CSMD3: variants seen among roughly 807,000 people sequenced by gnomAD.
CSMD3 encodes CUB and sushi domain-containing protein 3.
CSMD3 carries 177 observed loss-of-function variants against 435.2 expected under a neutral mutation model. The ratio of observed to expected loss-of-function variants is 0.41; its 90% confidence interval spans 0.36 to 0.46. The LOEUF (loss-of-function observed/expected upper bound fraction) is 0.46. Ranked by LOEUF, CSMD3 falls within the 20% of genes least tolerant of loss-of-function variation. CSMD3 has a pLI of 0.34. For missense variants in CSMD3, 4,265 were observed against 4,504.6 expected (o/e 0.95, Z 1.52); for synonymous variants, 1,656 against 1,520.5 (o/e 1.09, Z -2.07).
intron 25 of CSMD3, among the ~76,000 whole-genome samples, chr8:112,553,285 C>G (rs1386501601): frequency 6.6e-6 from 1 of 151,906 alleles, no homozygotes; most frequent in East Asian, 1.9e-4. Flanking sequence ...TTAATGTGGT[C>G]TCTAATTTTT....
chr8:112,738,090 A>G (rs984185431), intron 13 of CSMD3, among the ~76,000 whole-genome samples: 12 of 151,808 alleles, frequency 7.9e-5, no homozygotes, highest in African/African-American at 2.7e-4. Flanking sequence ...GTTGGTTTAT[A>G]GATTATGGTG....
At chr8:112,506,002 G>A (rs1211647844) in intron 29 of CSMD3, among the ~76,000 whole-genome samples, 1 of 151,940 alleles carries the variant, frequency 6.6e-6, no homozygotes. Flanking sequence ...TCTAATGTCC[G>A]TATTGATGTT....
rs572696401 is a variant in CSMD3, at chr8:113,173,251, G to C, written c.709+471C>G. Among the ~76,000 whole-genome samples the C allele has an allele frequency of 3.3e-5, 5 of 152,202 alleles. No homozygotes were observed. In the South Asian group the frequency reaches 1.0e-3, roughly 32 times the overall value. On this transcript the variant is annotated intron_variant, in intron 4 of 70. Coordinates refer to ENST00000297405, the MANE Select transcript of CSMD3 (RefSeq NM_198123.2). Reference sequence around the variant, plus strand: ...CACAAGCAATGTGAAAGAGATACTAGTCAATACTAGAATTTAGTATTTTTC... The same window carrying C: ...CACAAGCAATGTGAAAGAGATACTACTCAATACTAGAATTTAGTATTTTTC...
At chr8:113,048,618 A>G (rs1330124557) in intron 5 of CSMD3, among the ~76,000 whole-genome samples, 1 of 151,076 alleles carries the variant, frequency 6.6e-6, no homozygotes, top group Non-Finnish European at 1.5e-5. Context: ...AAACTTTTAT[A>G]TAATATTTTA....
At chr8:112,663,000 G>A (rs1288313392) in intron 17 of CSMD3, among the ~76,000 whole-genome samples, 1 of 152,094 alleles carries the variant, frequency 6.6e-6, no homozygotes, top group Non-Finnish European at 1.5e-5. Context: ...AGTTAGAATG[G>A]CGATCATTAA....
chr8:113,303,342 T>C (rs2093789591), intron 2 of CSMD3, among the ~76,000 whole-genome samples: 2 of 149,272 alleles, frequency 1.3e-5, no homozygotes, highest in Non-Finnish European at 3.0e-5. Context: ...CTACCCAAGG[T>C]AATTTACAGA....
At chr8:113,237,606 T>G (rs546298792) in intron 3 of CSMD3, among the ~76,000 whole-genome samples, 60 of 152,216 alleles carry the variant, frequency 3.9e-4, no homozygotes, top group African/African-American at 1.3e-3. Flanking sequence ...ATCAGCAGCT[T>G]GATTCCAGTT....
intron 38 of CSMD3, among the ~76,000 whole-genome samples, chr8:112,379,338 G>A (rs911504724): frequency 6.6e-6 from 1 of 151,962 alleles, no homozygotes; most frequent in African/African-American, 2.4e-5. Flanking sequence ...GAGTGGTGTC[G>A]GGCACAAGTA....
In CSMD3 at chr8:112,223,129, ATTG is replaced by A. The variant is rs1812297855; in HGVS notation, c.*1639_*1641del. On this transcript the variant is annotated 3_prime_UTR_variant, in exon 71 of 71. Transcript: ENST00000297405. Reference sequence around the variant, plus strand: ...TAGCCTTAACATTAATGAATGAATCATTGTTATTGCAGTCATTTGAATAAACAA... The same window carrying A: ...TAGCCTTAACATTAATGAATGAATCATTATTGCAGTCATTTGAATAAACAA... 1 of 398,362 alleles carries A rather than the reference ATTG, an allele frequency of 2.5e-6. No homozygotes were observed. The highest frequency in any genetic ancestry group is 4.4e-5 in the Admixed American group (1 of 22,724). The allele number at this position is 398,362 out of a possible 1,614,324, so 24.7% of individuals were successfully genotyped here. A position where few individuals can be genotyped will look rare whatever the true frequency, so the allele number is the denominator to read the frequency against.
At chr8:113,294,676 T>C (rs2093707008) in intron 2 of CSMD3, among the ~76,000 whole-genome samples, 1 of 152,154 alleles carries the variant, frequency 6.6e-6, no homozygotes, top group South Asian at 2.1e-4. Context: ...ATCTAACTTA[T>C]TGCTTATTAA....
rs958474458 is a variant in CSMD3, at chr8:112,392,905, G to A, written c.5810-2117C>T. 5.5e-5 allele frequency among the ~76,000 whole-genome samples: 7 copies of A among 127,112 alleles called. No individual in the cohort carries two copies. In the East Asian group the frequency reaches 1.4e-3, roughly 25 times the overall value. The allele number at this position is 127,112 out of a possible 152,430, so 83.4% of individuals were successfully genotyped here. A position where few individuals can be genotyped will look rare whatever the true frequency, so the allele number is the denominator to read the frequency against. On this transcript the variant is annotated intron_variant, in intron 35 of 70. Coordinates refer to ENST00000297405, the MANE Select transcript of CSMD3 (RefSeq NM_198123.2). ...TTTTGAAACAAGCTCTGGCTTTGTCGCCTAGGCTGGAGTGCAGTGGTGTGA... is the reference window on the plus strand; with the variant it reads ...TTTTGAAACAAGCTCTGGCTTTGTCACCTAGGCTGGAGTGCAGTGGTGTGA...
chr8:112,412,739 T>C (rs1238124240), intron 32 of CSMD3, among the ~76,000 whole-genome samples: 3 of 152,018 alleles, frequency 2.0e-5, no homozygotes, highest in African/African-American at 4.8e-5. Flanking sequence ...TAGAATAGAG[T>C]TTATTAATTC....
At chr8:112,590,178 G>T (rs908808296) in intron 22 of CSMD3, among the ~76,000 whole-genome samples, 3 of 152,072 alleles carry the variant, frequency 2.0e-5, no homozygotes, top group African/African-American at 7.2e-5. Context: ...ATTATGTACT[G>T]GGTGGTGAGG....
At chr8:113,389,816 T>C (rs2094454144) in intron 1 of CSMD3, among the ~76,000 whole-genome samples, 1 of 151,798 alleles carries the variant, frequency 6.6e-6, no homozygotes, top group Admixed American at 6.6e-5. Flanking sequence ...GAGATGGTCC[T>C]GGGACAAATG....
chr8:112,776,175 C>T (rs1174028139), intron 13 of CSMD3, among the ~76,000 whole-genome samples: 1 of 151,746 alleles, frequency 6.6e-6, no homozygotes, highest in African/African-American at 2.4e-5. Flanking sequence ...AACATAACAG[C>T]CGTATCACCT....
At chr8:112,251,629 T>C (rs1006624086) in intron 63 of CSMD3, among the ~76,000 whole-genome samples, 2 of 151,770 alleles carry the variant, frequency 1.3e-5, no homozygotes, top group African/African-American at 4.8e-5. Flanking sequence ...GAAAATCATA[T>C]ATAATCACTA....
chr8:112,716,597 A>G (rs1048923927), intron 13 of CSMD3, among the ~76,000 whole-genome samples: 8 of 152,338 alleles, frequency 5.3e-5, no homozygotes, highest in African/African-American at 1.9e-4. Context: ...TGTGGAACCA[A>G]TGAAGAGCCC....
chr8:113,367,432 CATT>C (rs1169657029), intron 1 of CSMD3, among the ~76,000 whole-genome samples: 1 of 151,904 alleles, frequency 6.6e-6, no homozygotes, highest in Non-Finnish European at 1.5e-5. Context: ...TTATCCATTA[CATT>C]ATTTCAAAGA....
intron 1 of CSMD3, among the ~76,000 whole-genome samples, chr8:113,432,478 G>A (rs1442012881): frequency 2.6e-5 from 4 of 152,218 alleles, no homozygotes; most frequent in Non-Finnish European, 5.9e-5. Flanking sequence ...GGGGCTGGGA[G>A]AAGACCACTT....
Sources: gnomAD v4.1 joint callset for allele counts (sites outside exome capture counted in the v4.1 genomes callset) on GRCh38, gnomAD v4.1.1 for gene constraint, MANE v1.5 for transcripts, NCBI Gene and HGNC (gene_info 2026-07-23, HGNC 2026-07-21) for gene names.